Variants in TMEM232 observed in about 807,000 individuals in gnomAD.
The protein encoded by TMEM232 is transmembrane protein 232.
TMEM232 carries 80 observed loss-of-function variants against 78.8 expected under a neutral mutation model. That is an observed-to-expected ratio of 1.01 (90% CI 0.85 to 1.22). The LOEUF is 1.22. Ranked by LOEUF, TMEM232 falls within the 50% of genes most tolerant of loss-of-function variation. The pLI is 0.00. For synonymous variants in TMEM232, 297 were observed against 254.3 expected (o/e 1.17, Z -1.60); for missense variants, 881 against 742.2 (o/e 1.19, Z -2.17).
chr5:110,555,629 G>A lies in TMEM232; in HGVS notation c.1455+12818C>T, dbSNP rs117132826. Among the ~76,000 whole-genome samples, 4 of 152,226 alleles carry A rather than the reference G, an allele frequency of 2.6e-5. No homozygotes were observed. In the East Asian group the frequency reaches 7.7e-4, roughly 29 times the overall value. ...TCTCTCACTATTATTATGTGGTTAT[G>A]TAAGTCTTTTTGTAGGTCTTTAAGA... On this transcript the variant is annotated intron_variant, in intron 11 of 13. Coordinates refer to ENST00000455884, the MANE Select transcript of TMEM232 (RefSeq NM_001039763.4).
chr5:110,458,963 T>C (rs1176516771), intron 12 of TMEM232, among the ~76,000 whole-genome samples: 1 of 152,162 alleles, frequency 6.6e-6, no homozygotes, highest in African/African-American at 2.4e-5. Context: ...TACTTTCAGC[T>C]TTATGTAGTA....
chr5:110,735,749 C>T (rs1464231989), intron 1 of TMEM232, among the ~76,000 whole-genome samples: 1 of 152,142 alleles, frequency 6.6e-6, no homozygotes, highest in South Asian at 2.1e-4. Flanking sequence ...GCTGTTAAGT[C>T]ATAAGGACAT....
intron 1 of TMEM232, among the ~76,000 whole-genome samples, chr5:110,680,355 C>A (rs1001813437): frequency 2.7e-5 from 4 of 147,978 alleles, no homozygotes; most frequent in Admixed American, 1.4e-4. Context: ...CAATGCTGTG[C>A]CACTGCACTC....
At chr5:110,456,399 CAG>C (rs1161405267) in intron 12 of TMEM232, among the ~76,000 whole-genome samples, 1 of 151,682 alleles carries the variant, frequency 6.6e-6, no homozygotes, top group Non-Finnish European at 1.5e-5. Flanking sequence ...GAAATCAAAA[CAG>C]ATCTAAATAA....
chr5:110,500,700 C>G (rs560307737), intron 12 of TMEM232, among the ~76,000 whole-genome samples: 2 of 151,882 alleles, frequency 1.3e-5, no homozygotes, highest in South Asian at 4.2e-4. Flanking sequence ...GGGAAAAAAG[C>G]AATAACTATG....
chr5:110,706,398 T>A (rs1001963485), intron 1 of TMEM232, among the ~76,000 whole-genome samples: 3 of 152,192 alleles, frequency 2.0e-5, no homozygotes, highest in Non-Finnish European at 4.4e-5. Flanking sequence ...AGTTACTCAC[T>A]GTATTATTGA....
chr5:110,737,481 T>C (rs1432122827), intron 1 of TMEM232, among the ~76,000 whole-genome samples: 1 of 152,214 alleles, frequency 6.6e-6, no homozygotes, highest in Non-Finnish European at 1.5e-5. Context: ...CATCAGAAAG[T>C]TATGTTTTAT....
At chr5:110,417,300 C>T (rs918579938), downstream of TMEM232, among the ~76,000 whole-genome samples, 1 of 152,156 alleles carries the variant, frequency 6.6e-6, no homozygotes, top group African/African-American at 2.4e-5. Context: ...GAATCTTTCT[C>T]TTTCTCTATT....
At chr5:110,401,095 C>T (rs919070698) in intron 2 of TMEM232, among the ~76,000 whole-genome samples, 3 of 151,892 alleles carry the variant, frequency 2.0e-5, no homozygotes, top group African/African-American at 7.3e-5. Flanking sequence ...GTAAATGAGG[C>T]TGATGTATTT....
At chr5:110,441,689 G>C (rs909846455) in intron 12 of TMEM232, among the ~76,000 whole-genome samples, 2 of 152,160 alleles carry the variant, frequency 1.3e-5, no homozygotes, top group African/African-American at 4.8e-5. Context: ...GATAAATTGA[G>C]TTGCCTTACT....
chr5:110,631,330 C>T (rs1036422933), intron 5 of TMEM232, among the ~76,000 whole-genome samples: 8 of 152,166 alleles, frequency 5.3e-5, no homozygotes, highest in African/African-American at 1.9e-4. Context: ...AGCAGTAGCA[C>T]AAATTCTGTG....
chr5:110,457,964 C>G (rs914366689), intron 12 of TMEM232, among the ~76,000 whole-genome samples: 19 of 151,988 alleles, frequency 1.3e-4, no homozygotes, highest in African/African-American at 4.6e-4. Flanking sequence ...TGTTTTTCCA[C>G]CAATACTTAT....
chr5:110,432,400 G>A (rs1416597634), intron 12 of TMEM232, among the ~76,000 whole-genome samples: 1 of 151,524 alleles, frequency 6.6e-6, no homozygotes, highest in African/African-American at 2.4e-5. Flanking sequence ...CATAAACGAA[G>A]GAGAATGAAG....
chr5:110,392,928 GCAA>G (rs1004366021), intron 3 of TMEM232, among the ~76,000 whole-genome samples: 1 of 152,086 alleles, frequency 6.6e-6, no homozygotes, highest in Non-Finnish European at 1.5e-5. Flanking sequence ...CAATAATAAT[GCAA>G]TACCTAATAT....
chr5:110,514,756 A>T (rs1054766846), intron 12 of TMEM232, among the ~76,000 whole-genome samples: 1 of 147,024 alleles, frequency 6.8e-6, no homozygotes, highest in Admixed American at 6.6e-5. Flanking sequence ...AGCCCAGACA[A>T]TATTAAGTTA....
At chr5:110,620,579 C>A (rs867450820) in intron 7 of TMEM232, among the ~76,000 whole-genome samples, 3 of 1,958 alleles carry the variant, frequency 1.5e-3, no homozygotes, top group East Asian at 0.015. Context: ...TCTCTCATAT[C>A]TCTCTCTCTC....
At chr5:110,401,438 G>GT (rs1472429334) in intron 2 of TMEM232, among the ~76,000 whole-genome samples, 6 of 151,948 alleles carry the variant, frequency 3.9e-5, no homozygotes. Flanking sequence ...CAAGCAAAGT[G>GT]TATCGACATA....
intron 1 of TMEM232, among the ~76,000 whole-genome samples, chr5:110,674,745 C>T (rs1287810871): frequency 1.3e-5 from 2 of 152,210 alleles, no homozygotes; most frequent in Non-Finnish European, 2.9e-5. Context: ...GCCATGTATT[C>T]AGCACTGGTC....
At chr5:110,392,674 G>A (rs1481163922) in intron 3 of TMEM232, among the ~76,000 whole-genome samples, 1 of 152,182 alleles carries the variant, frequency 6.6e-6, no homozygotes, top group African/African-American at 2.4e-5. Flanking sequence ...ACATCATGAG[G>A]GCCCTACTTC....
Sources: allele counts gnomAD v4.1 joint callset (sites outside exome capture counted in the v4.1 genomes callset), GRCh38; gene constraint gnomAD v4.1.1; transcripts MANE v1.5; gene names NCBI Gene and HGNC (gene_info 2026-07-23, HGNC 2026-07-21).